Variants in MDGA2 observed in about 807,000 individuals in gnomAD.
The protein encoded by MDGA2 is MAM domain-containing glycosylphosphatidylinositol anchor protein 2.
MDGA2 carries 40 observed loss-of-function variants against 117.8 expected under a neutral mutation model. The ratio of observed to expected loss-of-function variants is 0.34; its 90% CI spans 0.26 to 0.44. The LOEUF (loss-of-function observed/expected upper bound fraction) is 0.44. Ranked by LOEUF, MDGA2 falls within the 20% of genes least tolerant of loss-of-function variation. MDGA2 has a pLI of 1.00. For missense variants in MDGA2, 1,123 were observed against 1,250.6 expected (o/e 0.90, Z 1.54); for synonymous variants, 452 against 439.0 (o/e 1.03, Z -0.37).
chr14:47,646,373 C>A (rs1162222004), intron 1 of MDGA2, among the ~76,000 whole-genome samples: 1 of 151,658 alleles, frequency 6.6e-6, no homozygotes, highest in Non-Finnish European at 1.5e-5. Flanking sequence ...ATATATAATA[C>A]ATATAGATGC....
At chr14:47,467,588 A>G (rs1893630620) in intron 1 of MDGA2, among the ~76,000 whole-genome samples, 1 of 152,106 alleles carries the variant, frequency 6.6e-6, no homozygotes, top group Non-Finnish European at 1.5e-5. Context: ...TGTAGTGGGT[A>G]CATTGAAAGT....
intron 8 of MDGA2, among the ~76,000 whole-genome samples, chr14:47,025,304 T>C (rs1888432289): frequency 2.0e-5 from 3 of 152,196 alleles, no homozygotes; most frequent in African/African-American, 7.2e-5. Context: ...ATTTCTACAT[T>C]AAATTGCTTC....
intron 10 of MDGA2, among the ~76,000 whole-genome samples, chr14:46,894,725 C>T (rs114811687): frequency 4.6e-4 from 70 of 152,144 alleles, no homozygotes; most frequent in African/African-American, 1.6e-3. Flanking sequence ...CTGACATATC[C>T]CCCTACCATG....
At chr14:47,297,909 A>C (rs2139800250) in intron 2 of MDGA2, among the ~76,000 whole-genome samples, 1 of 152,300 alleles carries the variant, frequency 6.6e-6, no homozygotes, top group Admixed American at 6.5e-5. Context: ...AATTACTGAA[A>C]AATAATAAAG....
At chr14:47,310,586 A>T (rs191728182) in intron 1 of MDGA2, among the ~76,000 whole-genome samples, 1 of 152,272 alleles carries the variant, frequency 6.6e-6, no homozygotes, top group East Asian at 1.9e-4. Flanking sequence ...TGAATGTAAC[A>T]TCACATAATG....
At chr14:47,528,153 GAGGCCAGGTC>G (rs1003801240) in intron 1 of MDGA2, among the ~76,000 whole-genome samples, 7 of 152,190 alleles carry the variant, frequency 4.6e-5, no homozygotes, top group African/African-American at 1.4e-4. Flanking sequence ...CACAAGAACT[GAGGCCAGGTC>G]AGGCCTGTTC....
chr14:47,455,889 C>T (rs912644996), intron 1 of MDGA2, among the ~76,000 whole-genome samples: 3 of 151,752 alleles, frequency 2.0e-5, no homozygotes, highest in East Asian at 2.0e-4. Flanking sequence ...CCCAGTTACT[C>T]GGGAGGCTGA....
chr14:46,882,014 A>G, intron 11 of MDGA2, 30 bp downstream of exon 11: 1 of 1,423,532 alleles, frequency 7.0e-7, no homozygotes, highest in South Asian at 1.6e-5. Context: ...AAATATATAA[A>G]TAAATAATTT....
At chr14:46,959,613 T>G (rs1233853909) in intron 8 of MDGA2, among the ~76,000 whole-genome samples, 2 of 152,144 alleles carry the variant, frequency 1.3e-5, no homozygotes, top group Non-Finnish European at 2.9e-5. Flanking sequence ...TTATTACATT[T>G]TTGTATTAAA....
intron 1 of MDGA2, among the ~76,000 whole-genome samples, chr14:47,627,710 C>T (rs936845071): frequency 1.3e-5 from 2 of 152,164 alleles, no homozygotes; most frequent in South Asian, 2.1e-4. Context: ...TCTGCCCCAG[C>T]CAGCAGTGGC....
At chr14:46,878,763 T>A (rs1882331099) in intron 11 of MDGA2, among the ~76,000 whole-genome samples, 1 of 151,868 alleles carries the variant, frequency 6.6e-6, no homozygotes, top group Non-Finnish European at 1.5e-5. Context: ...AAATTAAAAT[T>A]ATTTCATAGT....
At chr14:46,927,065 G>A (rs1335376284) in intron 9 of MDGA2, among the ~76,000 whole-genome samples, 1 of 152,104 alleles carries the variant, frequency 6.6e-6, no homozygotes, top group Admixed American at 6.6e-5. Flanking sequence ...TGGAAAAGGA[G>A]TCAAAAATTT....
intron 5 of MDGA2, among the ~76,000 whole-genome samples, chr14:47,107,470 T>A (rs2139037453): frequency 6.6e-6 from 1 of 152,178 alleles, no homozygotes; most frequent in South Asian, 2.1e-4. Context: ...GCACCCTTAA[T>A]CCCAGGCTCT....
At chr14:46,901,803 T>C (rs1883296513) in intron 10 of MDGA2, among the ~76,000 whole-genome samples, 1 of 152,204 alleles carries the variant, frequency 6.6e-6, no homozygotes, top group Non-Finnish European at 1.5e-5. Flanking sequence ...TGACCAAAAC[T>C]GAGCATTCTC....
Position 46,855,588 on chromosome 14 carries a change from G to A in MDGA2, c.2753-434C>T, listed in dbSNP as rs1881238360. Among the ~76,000 whole-genome samples, 1 of 152,130 alleles carries A rather than the reference G, an allele frequency of 6.6e-6. No homozygotes were observed. The highest frequency in any genetic ancestry group is 2.4e-5 in the African/African-American group (1 of 41,450). Reference sequence around the variant, plus strand: ...GACTACTGGCAGCTTCTTGAAGCTAGTAAAGGCAAAGGAAAGGGCTTCTTT... The same window carrying A: ...GACTACTGGCAGCTTCTTGAAGCTAATAAAGGCAAAGGAAAGGGCTTCTTT... On this transcript the variant is annotated intron_variant, in intron 14 of 16. Coordinates refer to ENST00000399232, the MANE Select transcript of MDGA2 (RefSeq NM_001113498.3). This position sits in a 1 kb window ranked among gnomAD's most constrained non-coding sequence, Gnocchi z 4.1.
chr14:47,660,137 T>C (rs550425392), intron 1 of MDGA2, among the ~76,000 whole-genome samples: 17 of 152,230 alleles, frequency 1.1e-4, no homozygotes, highest in African/African-American at 3.1e-4. Context: ...TGTGAATGTA[T>C]AATGAATTTC....
chr14:47,537,601 A>AAAACTT, intron 1 of MDGA2, among the ~76,000 whole-genome samples: 1 of 148,232 alleles, frequency 6.7e-6, no homozygotes, highest in Non-Finnish European at 1.5e-5. Flanking sequence ...AAAAAAAAAA[A>AAAACTT]AAAAAAAAAA....
chr14:47,503,754 T>C (rs1028202960), intron 1 of MDGA2, among the ~76,000 whole-genome samples: 2 of 152,180 alleles, frequency 1.3e-5, no homozygotes, highest in African/African-American at 4.8e-5. Context: ...TATTTTGTTG[T>C]CAATACCAAT....
intron 6 of MDGA2, among the ~76,000 whole-genome samples, chr14:47,066,410 T>G (rs796694970): frequency 6.6e-6 from 1 of 152,098 alleles, no homozygotes; most frequent in Non-Finnish European, 1.5e-5. Flanking sequence ...TCTGGGGAAA[T>G]AGAATAGGAA....
Sources: gnomAD v4.1 joint callset for allele counts (sites outside exome capture counted in the v4.1 genomes callset) on GRCh38, gnomAD v4.1.1 for gene constraint, Gnocchi (gnomAD v3.1) non-coding constraint, MANE v1.5 for transcripts, NCBI Gene and HGNC (gene_info 2026-07-23, HGNC 2026-07-21) for gene names.